Variants in SNTG1 observed in about 807,000 individuals in gnomAD.
SNTG1 encodes gamma-1-syntrophin.
Under a neutral mutation model 74.7 loss-of-function variants are expected in SNTG1, and 39 were observed. The observed-to-expected ratio is 0.52, with a 90% CI of 0.40 to 0.68. The LOEUF (loss-of-function observed/expected upper bound fraction) is 0.68. Among genes scored for constraint, SNTG1 ranks in the 30% least tolerant of loss-of-function variants. SNTG1 has a pLI of 0.00. For synonymous variants in SNTG1, 254 were observed against 217.1 expected (o/e 1.17, Z -1.49); for missense variants, 685 against 609.5 (o/e 1.12, Z -1.30).
intron 1 of SNTG1, among the ~76,000 whole-genome samples, chr8:49,957,912 C>A (rs553486035): frequency 1.3e-5 from 2 of 152,098 alleles, no homozygotes; most frequent in South Asian, 4.2e-4. Context: ...CCAGCCTGGG[C>A]AACAGAGTGA....
intron 1 of SNTG1, among the ~76,000 whole-genome samples, chr8:50,116,814 T>A (rs2080840212): frequency 6.6e-6 from 1 of 152,116 alleles, no homozygotes; most frequent in Non-Finnish European, 1.5e-5. Flanking sequence ...TCCAATAACT[T>A]CTGAGCTCTA....
chr8:49,991,947 G>A (rs553323439), intron 1 of SNTG1, among the ~76,000 whole-genome samples: 2 of 152,200 alleles, frequency 1.3e-5, no homozygotes, highest in East Asian at 3.9e-4. Flanking sequence ...GAATATTAGG[G>A]TGTATAAATT....
chr8:50,494,948 T>G (rs2093890825), intron 8 of SNTG1, among the ~76,000 whole-genome samples: 1 of 152,116 alleles, frequency 6.6e-6, no homozygotes, highest in African/African-American at 2.4e-5. Flanking sequence ...GTATTATGAT[T>G]AGTTTCACTA....
intron 1 of SNTG1, among the ~76,000 whole-genome samples, chr8:49,954,897 T>A (rs752543824): frequency 6.6e-6 from 1 of 152,216 alleles, no homozygotes; most frequent in African/African-American, 2.4e-5. Flanking sequence ...GAGATCAATA[T>A]ATGCTAAATG....
intron 1 of SNTG1, among the ~76,000 whole-genome samples, chr8:50,162,406 CA>C (rs1308102463): frequency 6.6e-6 from 1 of 151,656 alleles, no homozygotes; most frequent in African/African-American, 2.4e-5. Context: ...ACTAAAAATA[CA>C]AAAAATTAGC....
chr8:50,657,775 A>T lies in SNTG1; in HGVS notation c.966+750A>T, dbSNP rs746994206. On this transcript the variant is annotated intron_variant, in intron 14 of 18. Coordinates refer to ENST00000642720, the MANE Select transcript of SNTG1 (RefSeq NM_018967.5). ...AAAATCAATAACATTTTCATCTTCT[A>T]TTATATTCTATATCCTAGTTATTGA... Among the ~76,000 whole-genome samples, 4 of 152,124 alleles carry T rather than the reference A, an allele frequency of 2.6e-5. 1 individual carries two copies. Among genetic ancestry groups the T allele is most frequent in the Admixed American group, 1.3e-4 (2 of 15,264 alleles).
intron 1 of SNTG1, among the ~76,000 whole-genome samples, chr8:50,004,374 G>T (rs1251467493): frequency 6.6e-6 from 1 of 152,050 alleles, no homozygotes; most frequent in Non-Finnish European, 1.5e-5. Context: ...ACAAAAGCTG[G>T]TGGTTTCCCA....
At chr8:50,706,532 G>GAGAT in intron 16 of SNTG1, among the ~76,000 whole-genome samples, 1 of 152,168 alleles carries the variant, frequency 6.6e-6, no homozygotes, top group African/African-American at 2.4e-5. Context: ...AAATTAGATA[G>GAGAT]AGATAAAATC....
chr8:50,012,552 G>A (rs1466235960), intron 1 of SNTG1, among the ~76,000 whole-genome samples: 1 of 152,110 alleles, frequency 6.6e-6, no homozygotes, highest in Non-Finnish European at 1.5e-5. Flanking sequence ...TGGAGAGTTA[G>A]GCCTTGTTTT....
At chr8:50,417,733 C>T (rs1384906518) in intron 4 of SNTG1, among the ~76,000 whole-genome samples, 2 of 152,150 alleles carry the variant, frequency 1.3e-5, no homozygotes, top group African/African-American at 2.4e-5. Flanking sequence ...CTTGCTTCCT[C>T]CTTCACTGAG....
chr8:50,022,371 GA>G lies in SNTG1; in HGVS notation c.-103+110142del, dbSNP rs533879115. On this transcript the variant is annotated intron_variant, in intron 1 of 18. Transcript: ENST00000642720. ...TGGAGAAGGATCCAGCAAGGCTTGA[GA>G]AGGCAGCTAGACTGGAGTCCGATGC... Among the ~76,000 whole-genome samples, 646 of 152,338 alleles carry G rather than the reference GA, an allele frequency of 4.2e-3. 6 individuals carry two copies. The highest frequency in any genetic ancestry group is 8.1e-3 in the South Asian group (39 of 4,826).
At chr8:50,450,838 A>G (rs1406130608) in intron 8 of SNTG1, 109 bp downstream of exon 8, 12 of 1,086,042 alleles carry the variant, frequency 1.1e-5, no homozygotes, top group African/African-American at 1.6e-5. Context: ...ACATTTATCC[A>G]GTTTGATATC....
intron 2 of SNTG1, among the ~76,000 whole-genome samples, chr8:50,298,461 C>G (rs1018778886): frequency 6.6e-6 from 1 of 152,068 alleles, no homozygotes; most frequent in Non-Finnish European, 1.5e-5. Flanking sequence ...ATTTTCTTCA[C>G]CCCCTGCCCA....
intron 1 of SNTG1, among the ~76,000 whole-genome samples, chr8:49,947,261 T>C (rs1809279736): frequency 6.6e-6 from 1 of 152,036 alleles, no homozygotes; most frequent in Non-Finnish European, 1.5e-5. Context: ...GATCCCACCA[T>C]TGCACTCCAG....
chr8:49,921,821 C>T (rs1483767008), intron 1 of SNTG1, among the ~76,000 whole-genome samples: 4 of 152,050 alleles, frequency 2.6e-5, no homozygotes, highest in Admixed American at 6.6e-5. Context: ...GTAAAATATG[C>T]ATAAAATATA....
chr8:50,652,208 C>T (rs1365967431), intron 13 of SNTG1, among the ~76,000 whole-genome samples: 1 of 152,114 alleles, frequency 6.6e-6, no homozygotes, highest in Non-Finnish European at 1.5e-5. Context: ...GCATTTAATA[C>T]GTGCTTTATC....
chr8:50,515,126 G>C (rs2094119946), intron 9 of SNTG1, among the ~76,000 whole-genome samples: 1 of 152,114 alleles, frequency 6.6e-6, no homozygotes, highest in Non-Finnish European at 1.5e-5. Context: ...AAGAGAGTCT[G>C]TAGTTGACAG....
chr8:50,564,397 G>A (rs2094504642), intron 12 of SNTG1, among the ~76,000 whole-genome samples: 1 of 151,934 alleles, frequency 6.6e-6, no homozygotes, highest in South Asian at 2.1e-4. Context: ...GATCAATGAA[G>A]GATCATATTT....
chr8:50,507,171 G>C (rs1396006244), intron 9 of SNTG1, among the ~76,000 whole-genome samples: 1 of 151,848 alleles, frequency 6.6e-6, no homozygotes, highest in Non-Finnish European at 1.5e-5. Flanking sequence ...TGCATTTCAG[G>C]AATAAGTCAC....
Sources: gnomAD v4.1 joint callset for allele counts (sites outside exome capture counted in the v4.1 genomes callset) on GRCh38, gnomAD v4.1.1 for gene constraint, MANE v1.5 for transcripts, NCBI Gene and HGNC (gene_info 2026-07-23, HGNC 2026-07-21) for gene names.